Variants in TUBGCP6 observed in about 807,000 individuals in gnomAD.
The protein encoded by TUBGCP6 is gamma-tubulin complex component 6.
TUBGCP6 carries 161 observed loss-of-function variants against 175.8 expected under a neutral mutation model. The ratio of observed to expected loss-of-function variants is 0.92; its 90% CI spans 0.81 to 1.04. TUBGCP6 has a LOEUF of 1.04. Among genes scored for constraint, TUBGCP6 ranks in the 50% least tolerant of loss-of-function variants. The pLI is 0.00. For missense variants in TUBGCP6, 2,572 were observed against 2,433.0 expected (o/e 1.06, Z -1.20); for synonymous variants, 1,173 against 1,030.5 (o/e 1.14, Z -2.65).
Position 50,221,079 on chromosome 22 carries a change from C to CA in TUBGCP6, c.3279dup (p.Val1094CysfsTer100). 6.2e-7 allele frequency: 1 copy of CA among 1,613,142 alleles called. No individual in the cohort carries two copies. The highest frequency in any genetic ancestry group is 8.5e-7 in the Non-Finnish European group (1 of 1,179,746). On this transcript the variant is annotated frameshift_variant, in exon 16 of 25. Coordinates refer to ENST00000248846, the MANE Select transcript of TUBGCP6 (RefSeq NM_020461.4). LOFTEE classifies it high-confidence loss of function. ...GGCCGAGTGGGAGCCACATCTGACA[C>CA]AGACTCCCCTAAGCTGATGCTGGCA...
chr22:50,217,764 T>C lies in TUBGCP6; in HGVS notation c.5432A>G (p.Asn1811Ser). 1 of 1,613,906 alleles carries C rather than the reference T, an allele frequency of 6.2e-7. No homozygotes were observed. Among genetic ancestry groups the C allele is most frequent in the South Asian group, 1.1e-5 (1 of 91,068 alleles). Reference sequence around the variant, plus strand: ...GGCGTCCTGGTAGTAGTTGTTGAAGTTGATGCGCAGCAGAAAGTCCTCCAG... The same window carrying C: ...GGCGTCCTGGTAGTAGTTGTTGAAGCTGATGCGCAGCAGAAAGTCCTCCAG... ...PHLEDFLLRI[N>S]FNNYYQDA is the part of the protein sequence containing the mutation. The change falls in exon 25 of 25, where the codon AAC becomes AGC. Residue 1811 changes from asparagine to serine, a missense_variant. By Grantham distance (46) the Asn-to-Ser change is conservative. Coordinates refer to ENST00000248846, the MANE Select transcript of TUBGCP6 (RefSeq NM_020461.4).
chr22:50,220,203 T>G, intron 16 of TUBGCP6, 48 bp downstream of exon 16: 1 of 1,547,782 alleles, frequency 6.5e-7, no homozygotes, highest in Non-Finnish European at 8.8e-7. Flanking sequence ...TCCCAGGCTC[T>G]GTGCGTCCCA....
chr22:50,218,822 A>C lies in TUBGCP6; in HGVS notation c.4702T>G (p.Cys1568Gly), dbSNP rs1275675121. The C allele has an allele frequency of 1.2e-6, 2 of 1,613,994 alleles. No individual in the cohort carries two copies. Among genetic ancestry groups the C allele is most frequent in the African/African-American group, 2.7e-5 (2 of 74,928 alleles). The change falls in exon 21 of 25, where the codon TGC becomes GGC. Residue 1568 changes from cysteine (C) to glycine (G), a missense_variant. Transcript: ENST00000248846. ...LNSVLSKALQ[C>G]SLHGDTPHAS... Reference sequence around the variant, plus strand: ...TGCGGGGTGTCCCCATGCAGGCTGCACTGCAGGGCCTTGCTCAGCACAGAG... The same window carrying C: ...TGCGGGGTGTCCCCATGCAGGCTGCCCTGCAGGGCCTTGCTCAGCACAGAG...
intron 1 of TUBGCP6, 84 bp downstream of exon 1, chr22:50,243,631 AAAAG>A (rs1176210239): frequency 2.1e-4 from 239 of 1,144,546 alleles, no homozygotes; most frequent in African/African-American, 3.5e-4. Flanking sequence ...AAAAAAAAAA[AAAAG>A]AAGAAGAAGA....
intron 4 of TUBGCP6, among the ~76,000 whole-genome samples, chr22:50,228,810 G>C (rs975515487): frequency 2.0e-5 from 3 of 152,062 alleles, no homozygotes; most frequent in Admixed American, 6.6e-5. Flanking sequence ...ACAGTCAAAG[G>C]AGGCTGCGCT....
chr22:50,231,785 G>A (rs934751976), intron 3 of TUBGCP6, among the ~76,000 whole-genome samples: 29 of 150,830 alleles, frequency 1.9e-4, no homozygotes, highest in South Asian at 2.1e-4. Flanking sequence ...GTGTGAACCC[G>A]GGAGGCGGAG....
Position 50,218,364 on chromosome 22 carries a change from G to A in TUBGCP6, c.4993C>T (p.Gln1665Ter), listed in dbSNP as rs2147171891. The stretch of plus-strand genomic sequence containing the variant: ...ATCTCGTGCTTGAACAGCTGCAGCT[G>A]ACGGAACTGCACAGAGCCGGCCATG... ...SHMAGSVQFR[Q>*]LQLFKHEMQH... is the part of the protein sequence containing the mutation. The change falls in exon 23 of 25, where the codon CAG becomes TAG. Residue 1665 changes from glutamine to a stop codon, truncating the protein, a stop_gained. Coordinates refer to ENST00000248846, the MANE Select transcript of TUBGCP6 (RefSeq NM_020461.4). LOFTEE classifies it high-confidence loss of function. 1.2e-6 allele frequency: 2 copies of A among 1,613,058 alleles called. No individual in the cohort carries two copies. The highest frequency in any genetic ancestry group is 1.1e-5 in the South Asian group (1 of 91,080).
intron 3 of TUBGCP6, among the ~76,000 whole-genome samples, chr22:50,231,859 C>CA (rs71198231): frequency 0.72 from 88,457 of 122,742 alleles, 30,485 homozygotes; most frequent in South Asian, 0.85. Flanking sequence ...GACTCCGTCT[C>CA]AAAAAAAAAA....
intron 1 of TUBGCP6, 85 bp downstream of exon 1, chr22:50,243,634 A>AAAC (rs2064874239): frequency 1.3e-6 from 1 of 776,176 alleles, no homozygotes; most frequent in Non-Finnish European, 1.8e-6. Flanking sequence ...AAAAAAAAAA[A>AAAC]GAAGAAGAAG....
At chr22:50,227,127 G>T (rs776643065) in intron 5 of TUBGCP6, 50 bp from the exon 6 acceptor site, 2 of 1,532,328 alleles carry the variant, frequency 1.3e-6, no homozygotes, top group African/African-American at 2.7e-5. Flanking sequence ...AGGGTTCCCA[G>T]GCCTGGATCA....
chr22:50,219,729 C>T lies in TUBGCP6; in HGVS notation c.4230G>A (p.Glu1410=). ...RGEEAEASAA[E]AQGGEQAYLA... is the part of the protein sequence containing the mutation. The stretch of plus-strand genomic sequence containing the variant: ...GGTAGGCCTGCTCCCCACCCTGAGC[C>T]TCCGCCGCCGATGCCTCCGCCTCCT... Residue 1410 remains glutamate (E), a synonymous_variant, in exon 18 of 25, where the codon GAG becomes GAA. Transcript: ENST00000248846. The T allele has an allele frequency of 1.2e-6, 2 of 1,613,756 alleles. No homozygotes were observed. The highest frequency in any genetic ancestry group is 1.3e-5 in the African/African-American group (1 of 75,068).
At chr22:50,237,848 C>T (rs2064795130) in intron 2 of TUBGCP6, among the ~76,000 whole-genome samples, 1 of 152,220 alleles carries the variant, frequency 6.6e-6, no homozygotes, top group African/African-American at 2.4e-5. Context: ...ATACAGCCAG[C>T]ACGGTGGCTC....
chr22:50,241,938 A>G (rs2064843992), intron 1 of TUBGCP6, among the ~76,000 whole-genome samples: 1 of 138,786 alleles, frequency 7.2e-6, no homozygotes, highest in Non-Finnish European at 1.5e-5. Context: ...TGGAGAGAAA[A>G]ACCCACAGAC....
At chr22:50,236,142 AT>A (rs112991362) in intron 2 of TUBGCP6, among the ~76,000 whole-genome samples, 16 of 147,818 alleles carry the variant, frequency 1.1e-4, no homozygotes, top group South Asian at 4.3e-4. Context: ...AAAATTCACA[AT>A]TTTTTTTTTT....
In TUBGCP6 at chr22:50,219,715, T is replaced by A. The variant is rs772704190; in HGVS notation, c.4244A>T (p.Glu1415Val). Residue 1415 changes from glutamate (E) to valine (V), a missense_variant, in exon 18 of 25, where the codon GAG (glutamate) becomes GTG (valine). Glu to Val is a moderately radical substitution (Grantham distance 121). Coordinates refer to ENST00000248846, the MANE Select transcript of TUBGCP6 (RefSeq NM_020461.4). ...TGCCAGGCCTGCCAGGTAGGCCTGC[T>A]CCCCACCCTGAGCCTCCGCCGCCGA... ...EASAAEAQGG[E>V]QAYLAGLAGQ... 1 of 1,613,642 alleles carries A rather than the reference T, an allele frequency of 6.2e-7. No homozygotes were observed. Among genetic ancestry groups the A allele is most frequent in the South Asian group, 1.1e-5 (1 of 91,084 alleles).
chr22:50,219,129 T>C lies in TUBGCP6; in HGVS notation c.4565A>G (p.His1522Arg). Residue 1522 changes from histidine (H) to arginine (R), a missense_variant, in exon 20 of 25, where the codon CAC becomes CGC. By Grantham distance (29) the His-to-Arg change is conservative. Coordinates refer to ENST00000248846, the MANE Select transcript of TUBGCP6 (RefSeq NM_020461.4). ...CTCGCCGTCCTCCATCAGCAGGAAG[T>C]GCCGCAGTGCCTCATAGTGCGCCTC... ...HLEAHYEALR[H>R]FLLMEDGEFA... 6.2e-7 allele frequency: 1 copy of C among 1,613,124 alleles called. No homozygotes were observed. The highest frequency in any genetic ancestry group is 1.3e-5 in the African/African-American group (1 of 75,048).
intron 2 of TUBGCP6, among the ~76,000 whole-genome samples, chr22:50,234,805 G>T (rs2064747504): frequency 7.1e-6 from 1 of 140,704 alleles, no homozygotes; most frequent in African/African-American, 2.8e-5. Flanking sequence ...GTCCACAGCA[G>T]CATCATCCAC....
At chr22:50,240,151 A>T (rs1569126577) in intron 2 of TUBGCP6, 53 bp downstream of exon 2, 1 of 1,608,754 alleles carries the variant, frequency 6.2e-7, no homozygotes, top group Non-Finnish European at 8.5e-7. Context: ...ATCCAAGGCC[A>T]CGCTCATGCA....
chr22:50,241,097 T>C (rs1232855209), intron 1 of TUBGCP6, among the ~76,000 whole-genome samples: 1 of 152,258 alleles, frequency 6.6e-6, no homozygotes, highest in Non-Finnish European at 1.5e-5. Context: ...TATGATTATA[T>C]ATGAACGTTA....
Sources: gnomAD v4.1 joint callset for allele counts (sites outside exome capture counted in the v4.1 genomes callset) on GRCh38, gnomAD v4.1.1 for gene constraint, MANE v1.5 for transcripts, NCBI Gene and HGNC (gene_info 2026-07-23, HGNC 2026-07-21) for gene names.